Variants in PTPRD observed in about 807,000 individuals in gnomAD.
PTPRD encodes protein tyrosine phosphatase receptor type D.
PTPRD carries 34 observed loss-of-function variants against 214.5 expected under a neutral mutation model. That is an observed-to-expected ratio of 0.16 (90% confidence interval 0.12 to 0.21). PTPRD has a LOEUF of 0.21. PTPRD is among the 10% of genes least tolerant of loss of function. PTPRD has a pLI of 1.00. For missense variants in PTPRD, 2,545 were observed against 2,398.7 expected (o/e 1.06, Z -1.27); for synonymous variants, 1,128 against 845.7 (o/e 1.33, Z -5.79).
At chr9:8,847,781 C>A (rs1388788574) in intron 11 of PTPRD, among the ~76,000 whole-genome samples, 1 of 151,924 alleles carries the variant, frequency 6.6e-6, no homozygotes, top group Non-Finnish European at 1.5e-5. Flanking sequence ...AATCATCCAC[C>A]CTTATTGATA....
At chr9:8,648,073 C>T (rs984640497) in intron 12 of PTPRD, among the ~76,000 whole-genome samples, 11 of 152,144 alleles carry the variant, frequency 7.2e-5, no homozygotes, top group Admixed American at 1.3e-4. Context: ...CACAAGCACA[C>T]GCATTACAAC....
At chr9:8,364,968 A>G (rs1352698249) in intron 39 of PTPRD, among the ~76,000 whole-genome samples, 1 of 152,104 alleles carries the variant, frequency 6.6e-6, no homozygotes, top group Non-Finnish European at 1.5e-5. Context: ...GCATCTAGAA[A>G]ATGTTAAGGG....
At chr9:8,466,486 C>G (rs1591287926) in intron 31 of PTPRD, among the ~76,000 whole-genome samples, 2 of 151,890 alleles carry the variant, frequency 1.3e-5, no homozygotes, top group South Asian at 4.1e-4. Flanking sequence ...TCTGGATAAC[C>G]TATTATTTTT....
At chr9:8,710,567 G>T (rs1259922355) in intron 12 of PTPRD, among the ~76,000 whole-genome samples, 1 of 152,134 alleles carries the variant, frequency 6.6e-6, no homozygotes, top group Non-Finnish European at 1.5e-5. Flanking sequence ...GGTTAGCAGT[G>T]ATTGTGCCAC....
chr9:8,550,796 C>T (rs955374942), intron 14 of PTPRD, among the ~76,000 whole-genome samples: 2 of 152,180 alleles, frequency 1.3e-5, no homozygotes, highest in African/African-American at 4.8e-5. Context: ...ACAAGAACAC[C>T]CAAGGCAGAT....
At chr9:10,384,262 C>T (rs1342634545) in intron 2 of PTPRD, among the ~76,000 whole-genome samples, 1 of 151,498 alleles carries the variant, frequency 6.6e-6, no homozygotes, top group Non-Finnish European at 1.5e-5. Flanking sequence ...GCATTACATG[C>T]CTATATCAAA....
chr9:10,541,068 G>T (rs1055718544), intron 2 of PTPRD, among the ~76,000 whole-genome samples: 1 of 152,124 alleles, frequency 6.6e-6, no homozygotes, highest in Non-Finnish European at 1.5e-5. Flanking sequence ...ATTGACCCAA[G>T]GATGAAAAAG....
At chr9:10,519,163 A>G (rs1198866774) in intron 2 of PTPRD, among the ~76,000 whole-genome samples, 2 of 151,064 alleles carry the variant, frequency 1.3e-5, no homozygotes, top group African/African-American at 4.9e-5. Flanking sequence ...GGCAATGTAA[A>G]AATATCCTCC....
At chr9:8,530,992 T>C (rs1228437130) in intron 14 of PTPRD, among the ~76,000 whole-genome samples, 1 of 152,078 alleles carries the variant, frequency 6.6e-6, no homozygotes, top group East Asian at 1.9e-4. Context: ...ATTCATGACA[T>C]AATACCTTCC....
At chr9:9,268,652 G>A (rs1244856274) in intron 9 of PTPRD, among the ~76,000 whole-genome samples, 2 of 150,802 alleles carry the variant, frequency 1.3e-5, no homozygotes, top group East Asian at 2.0e-4. Context: ...TATAATATGG[G>A]CATAACAACA....
intron 2 of PTPRD, among the ~76,000 whole-genome samples, chr9:10,402,075 A>T (rs968038485): frequency 2.0e-5 from 3 of 151,788 alleles, no homozygotes; most frequent in Admixed American, 1.3e-4. Flanking sequence ...TGTGGTTTTG[A>T]AGGGAAAAAA....
chr9:9,268,834 T>C (rs1014454897), intron 9 of PTPRD, among the ~76,000 whole-genome samples: 1 of 150,794 alleles, frequency 6.6e-6, no homozygotes, highest in Non-Finnish European at 1.5e-5. Context: ...AAATTCTTTT[T>C]TTATATTACA....
intron 5 of PTPRD, among the ~76,000 whole-genome samples, chr9:9,926,135 CTCT>C (rs2084223456): frequency 6.6e-6 from 1 of 152,074 alleles, no homozygotes; most frequent in South Asian, 2.1e-4. Flanking sequence ...TGGCCAACTT[CTCT>C]TATACGTTCC....
chr9:9,971,142 A>G (rs1367466109), intron 4 of PTPRD, among the ~76,000 whole-genome samples: 1 of 152,198 alleles, frequency 6.6e-6, no homozygotes, highest in Non-Finnish European at 1.5e-5. Flanking sequence ...GAAATATTAA[A>G]TAAAAAGGTA....
intron 9 of PTPRD, among the ~76,000 whole-genome samples, chr9:9,310,920 GATAAATAAATAAATAA>G (rs146963669): frequency 7.7e-4 from 107 of 138,542 alleles, no homozygotes; most frequent in African/African-American, 9.9e-4. Flanking sequence ...CTGTGTCTCA[GATAAATAAATAAATAA>G]ATAAATAAAT....
chr9:9,627,139 C>T (rs905000919), intron 7 of PTPRD, among the ~76,000 whole-genome samples: 1 of 152,078 alleles, frequency 6.6e-6, no homozygotes, highest in African/African-American at 2.4e-5. Flanking sequence ...CATGGTGAAA[C>T]CCCATCTCTA....
chr9:8,690,401 C>T (rs749475400), intron 12 of PTPRD, among the ~76,000 whole-genome samples: 1 of 151,646 alleles, frequency 6.6e-6, no homozygotes, highest in Non-Finnish European at 1.5e-5. Flanking sequence ...GTGGTGGGTG[C>T]CTGTAGTCCC....
intron 14 of PTPRD, among the ~76,000 whole-genome samples, chr9:8,575,480 T>C (rs1285260997): frequency 2.0e-5 from 3 of 152,170 alleles, no homozygotes; most frequent in Admixed American, 2.0e-4. Context: ...GCTGTCTTAA[T>C]TCTTGAAAAT....
chr9:9,168,637 T>C (rs2099908655), intron 10 of PTPRD, among the ~76,000 whole-genome samples: 1 of 152,122 alleles, frequency 6.6e-6, no homozygotes, highest in Admixed American at 6.6e-5. Flanking sequence ...GACTTGACTA[T>C]TTATCTTGTT....
Sources: gnomAD v4.1 joint callset for allele counts (sites outside exome capture counted in the v4.1 genomes callset) on GRCh38, gnomAD v4.1.1 for gene constraint, MANE v1.5 for transcripts, NCBI Gene and HGNC (gene_info 2026-07-23, HGNC 2026-07-21) for gene names.